The following RIT2 variants were observed in gnomAD, a reference collection of about 807,000 sequenced individuals.
RIT2 encodes Ras like without CAAX 2.
Under a neutral mutation model 23.7 loss-of-function variants are expected in RIT2, and 24 were observed. The observed-to-expected ratio is 1.01, with a 90% CI of 0.73 to 1.43. RIT2 has a LOEUF of 1.43. RIT2 is among the 40% of genes most tolerant of loss of function. The pLI is 0.00. For missense variants in RIT2, 236 were observed against 266.9 expected, an observed-to-expected ratio of 0.88 and a Z score of 0.81; for synonymous variants, 107 against 91.1, an observed-to-expected ratio of 1.17 and a Z score of -0.99.
At chr18:42,905,410 AG>A (rs1226521139) in intron 4 of RIT2, among the ~76,000 whole-genome samples, 1 of 152,216 alleles carries the variant, frequency 6.6e-6, no homozygotes, top group Non-Finnish European at 1.5e-5. Context: ...ATATTACAGT[AG>A]GTAAAACATT....
intron 1 of RIT2, among the ~76,000 whole-genome samples, chr18:43,090,964 A>C (rs1266745441): frequency 6.6e-6 from 1 of 151,792 alleles, no homozygotes; most frequent in Non-Finnish European, 1.5e-5. Context: ...TGTACAGCAA[A>C]CCCCCATGAC....
At chr18:43,013,694 A>G (rs909207135) in intron 2 of RIT2, among the ~76,000 whole-genome samples, 1 of 151,756 alleles carries the variant, frequency 6.6e-6, no homozygotes, top group African/African-American at 2.4e-5. Flanking sequence ...GCACTATCAG[A>G]GTAACTATCT....
intron 1 of RIT2, among the ~76,000 whole-genome samples, chr18:43,078,893 G>A (rs1913088615): frequency 1.3e-5 from 2 of 152,178 alleles, no homozygotes; most frequent in African/African-American, 2.4e-5. Flanking sequence ...ACATCCCAGA[G>A]GAGCGGGAAA....
At position 42,790,503 on chromosome 18, in the gene RIT2, C is replaced by T. The variant is rs527645054; in HGVS notation, c.427-46783G>A. On this transcript the variant is annotated intron_variant, in intron 4 of 4. Transcript: ENST00000326695. ...TGTCGCCTAGGCCGGAATGCAGTGG[C>T]GCCATCTCGGCTCACTGCAAGCTCC... 2.2e-3 allele frequency among the ~76,000 whole-genome samples: 331 copies of T among 152,314 alleles called. 4 individuals carry two copies. The Middle Eastern group carries it at 0.037, about 17-fold the overall frequency.
At chr18:42,924,873 T>G (rs1053541070) in intron 3 of RIT2, among the ~76,000 whole-genome samples, 2 of 152,062 alleles carry the variant, frequency 1.3e-5, no homozygotes, top group African/African-American at 2.4e-5. Flanking sequence ...TCCAGGAACT[T>G]TGGAAAACTA....
Position 43,025,237 on chromosome 18 carries a change from C to CA in RIT2, c.160+8573dup, listed in dbSNP as rs58609867. On this transcript the variant is annotated intron_variant, in intron 2 of 4. Transcript: ENST00000326695. ...AAAACAAAACAAAACAAAAAAAAAA[C>CA]AAAAAAAAAAACAGGCAGCAAATAG... 5.1e-3 allele frequency among the ~76,000 whole-genome samples: 701 copies of CA among 136,610 alleles called. 4 individuals are homozygous for CA. Among genetic ancestry groups the CA allele is most frequent in the South Asian group, 0.018 (79 of 4,272 alleles). 89.6% of individuals were successfully genotyped at this position (136,610 alleles called of 152,430 possible). A position where few individuals can be genotyped will look rare whatever the true frequency, so the allele number is the denominator to read the frequency against.
At chr18:42,936,134 C>T (rs1015738271) in intron 3 of RIT2, among the ~76,000 whole-genome samples, 3 of 151,982 alleles carry the variant, frequency 2.0e-5, no homozygotes, top group Non-Finnish European at 4.4e-5. Flanking sequence ...TCTCTGCCTC[C>T]AGACCCAGGT....
chr18:42,968,432 T>C (rs1214805061), intron 3 of RIT2, among the ~76,000 whole-genome samples: 1 of 152,180 alleles, frequency 6.6e-6, no homozygotes, highest in African/African-American at 2.4e-5. Context: ...ATAAATTGTT[T>C]TCAAGCATCT....
intron 1 of RIT2, among the ~76,000 whole-genome samples, chr18:43,042,928 T>C (rs1215971610): frequency 1.3e-5 from 2 of 152,046 alleles, no homozygotes; most frequent in Non-Finnish European, 2.9e-5. Context: ...ATTAGATAAA[T>C]ACAGCATTTT....
At chr18:42,795,335 C>T (rs8098429) in intron 4 of RIT2, among the ~76,000 whole-genome samples, 49,419 of 152,110 alleles carry the variant, frequency 0.32, 10,770 homozygotes, top group African/African-American at 0.61. Context: ...AACAGACGGC[C>T]GACCCTGCCA....
At chr18:42,879,270 T>C (rs1271929192) in intron 4 of RIT2, among the ~76,000 whole-genome samples, 2 of 152,180 alleles carry the variant, frequency 1.3e-5, no homozygotes, top group East Asian at 3.9e-4. Flanking sequence ...TCCTGTATTG[T>C]TCTACTCCTT....
At chr18:43,098,617 C>A (rs200000441) in intron 1 of RIT2, among the ~76,000 whole-genome samples, 1 of 151,870 alleles carries the variant, frequency 6.6e-6, no homozygotes, top group Non-Finnish European at 1.5e-5. Context: ...ACAATAGCAA[C>A]AATAACAACC....
intron 1 of RIT2, among the ~76,000 whole-genome samples, chr18:43,111,076 A>T (rs1395816585): frequency 1.3e-5 from 2 of 152,170 alleles, no homozygotes; most frequent in African/African-American, 4.8e-5. Context: ...GAATGAATAA[A>T]ATAAATGTGG....
At chr18:43,039,546 C>T (rs541393686) in intron 1 of RIT2, among the ~76,000 whole-genome samples, 1 of 151,986 alleles carries the variant, frequency 6.6e-6, no homozygotes, top group Non-Finnish European at 1.5e-5. Context: ...CAGGGTTTCT[C>T]CGTGTTGGTC....
intron 4 of RIT2, among the ~76,000 whole-genome samples, chr18:42,755,929 T>A (rs2143891304): frequency 6.6e-6 from 1 of 152,192 alleles, no homozygotes; most frequent in South Asian, 2.1e-4. Flanking sequence ...AGCCTTAATC[T>A]TAGACCTGAA....
chr18:43,115,397 C>G lies in RIT2; in HGVS notation c.103+20G>C. 1 of 1,612,734 alleles carries G rather than the reference C, an allele frequency of 6.2e-7. No homozygotes were observed. The highest frequency in any genetic ancestry group is 2.2e-5 in the East Asian group (1 of 44,740). On this transcript the variant is annotated intron_variant, in intron 1 of 4. Transcript: ENST00000326695. ...TCTATAGAGGTCCCTCCTTCCCCAG[C>G]ATTTGGTGTGAAAACTTACCGCTTT...
At chr18:43,061,794 A>G (rs1912652984) in intron 1 of RIT2, among the ~76,000 whole-genome samples, 2 of 152,148 alleles carry the variant, frequency 1.3e-5, no homozygotes, top group Non-Finnish European at 1.5e-5. Flanking sequence ...CGGTTGCTCT[A>G]TAAACTTCTA....
intron 4 of RIT2, among the ~76,000 whole-genome samples, chr18:42,875,245 T>C (rs776709726): frequency 2.6e-5 from 4 of 152,118 alleles, no homozygotes; most frequent in African/African-American, 4.8e-5. Context: ...TGCTCTTGTG[T>C]TTCATTTTGT....
At position 43,033,853 on chromosome 18, in the gene RIT2, A is replaced by G. The variant is rs1911912948; in HGVS notation, c.118T>C (p.Phe40Leu). The G allele has an allele frequency of 1.9e-6, 3 of 1,606,952 alleles. No individual in the cohort carries two copies. In the East Asian group the frequency reaches 6.7e-5, roughly 36 times the overall value. Residue 40 changes from phenylalanine to leucine, a missense_variant, in exon 2 of 5, where the codon TTT becomes CTT. Coordinates refer to ENST00000326695, the MANE Select transcript of RIT2 (RefSeq NM_002930.4). ...TAATCAGGGAACTGATGACTAATAA[A>G]CTGCATTGTCATTGCTGAAAGAAAA... ...GVGKSAMTMQ[F>L]ISHQFPDYHD...
Sources: gnomAD v4.1 joint callset for allele counts (sites outside exome capture counted in the v4.1 genomes callset) on GRCh38, gnomAD v4.1.1 for gene constraint, MANE v1.5 for transcripts, NCBI Gene and HGNC (gene_info 2026-07-23, HGNC 2026-07-21) for gene names.